The following CCDC170 variants were observed in gnomAD, a reference collection of about 807,000 sequenced individuals.
The protein encoded by CCDC170 is coiled-coil domain containing 170, also known as coiled-coil domain-containing protein 170.
Under a neutral mutation model 72.6 loss-of-function variants are expected in CCDC170, and 69 were observed. That is an observed-to-expected ratio of 0.95 (90% CI 0.78 to 1.16). The LOEUF is 1.16. Among genes scored for constraint, CCDC170 ranks in the 50% most tolerant of loss-of-function variants. The pLI is 0.00. For synonymous variants in CCDC170, 300 were observed against 303.9 expected (o/e 0.99, Z 0.13); for missense variants, 852 against 832.5 (o/e 1.02, Z -0.29).
At chr6:151,596,298 A>G in intron 8 of CCDC170, 37 bp from the exon 9 acceptor site, 1 of 1,558,086 alleles carries the variant, frequency 6.4e-7, no homozygotes, top group Non-Finnish European at 8.6e-7. Context: ...CTATTGTTCA[A>G]TTATTAAAAA....
Position 151,619,600 on chromosome 6 carries a change from G to A in CCDC170, c.*1453G>A, listed in dbSNP as rs1463436421. Reference sequence around the variant, plus strand: ...ATGAAAAATATACAACCAACCGTTCGTGAGTCATCAAAAAGTCAAAGTCAG... The same window carrying A: ...ATGAAAAATATACAACCAACCGTTCATGAGTCATCAAAAAGTCAAAGTCAG... On this transcript the variant is annotated 3_prime_UTR_variant, in exon 11 of 11. Transcript: ENST00000239374. The A allele has an allele frequency of 2.0e-5, 3 of 152,068 alleles. No homozygotes were observed. Among genetic ancestry groups the A allele is most frequent in the Admixed American group, 6.6e-5 (1 of 15,256 alleles). 9.4% of individuals were successfully genotyped at this position (152,068 alleles called of 1,614,324 possible).
chr6:151,559,681 G>A (rs1783044991), intron 5 of CCDC170, among the ~76,000 whole-genome samples: 1 of 152,020 alleles, frequency 6.6e-6, no homozygotes, highest in Non-Finnish European at 1.5e-5. Flanking sequence ...TTCCAATTTG[G>A]ATGTCATTTA....
chr6:151,527,714 A>T (rs1240254405), intron 1 of CCDC170, among the ~76,000 whole-genome samples: 1 of 151,976 alleles, frequency 6.6e-6, no homozygotes, highest in African/African-American at 2.4e-5. Context: ...AGAGAGGGAG[A>T]GGTAGAGAAG....
intron 7 of CCDC170, 133 bp downstream of exon 7, chr6:151,586,222 A>T: frequency 1.2e-6 from 1 of 856,258 alleles, no homozygotes. Flanking sequence ...AATTTCAAGG[A>T]ACAATGGGTT....
At chr6:151,522,586 G>T (rs1406033453) in intron 1 of CCDC170, among the ~76,000 whole-genome samples, 4 of 152,064 alleles carry the variant, frequency 2.6e-5, no homozygotes, top group Non-Finnish European at 5.9e-5. Context: ...TCTAACCCTA[G>T]CCAATAGGAG....
At chr6:151,610,871 A>T (rs1776859269) in intron 9 of CCDC170, among the ~76,000 whole-genome samples, 1 of 152,188 alleles carries the variant, frequency 6.6e-6, no homozygotes, top group African/African-American at 2.4e-5. Flanking sequence ...AAGCTGCAGC[A>T]GTTGTTCTTA....
In CCDC170 at chr6:151,618,307, G is replaced by T; in HGVS notation, c.*160G>T. 1 of 626,298 alleles carries T rather than the reference G, an allele frequency of 1.6e-6. No homozygotes were observed. Among genetic ancestry groups the T allele is most frequent in the South Asian group, 2.3e-5 (1 of 44,212 alleles). 38.8% of individuals were successfully genotyped at this position (626,298 alleles called of 1,614,324 possible). ...TGCAAAAACGATCTCAAAAGTGTCA[G>T]CCTTAGATAAACGTTCAGCATTAAA... On this transcript the variant is annotated 3_prime_UTR_variant, in exon 11 of 11. Transcript: ENST00000239374.
chr6:151,617,558 A>G (rs1375975693), intron 10 of CCDC170, among the ~76,000 whole-genome samples: 1 of 151,858 alleles, frequency 6.6e-6, no homozygotes, highest in African/African-American at 2.4e-5. Flanking sequence ...CAGAGCACAC[A>G]CACAGTCACC....
chr6:151,533,715 C>T (rs1782530109), intron 1 of CCDC170, among the ~76,000 whole-genome samples: 1 of 151,756 alleles, frequency 6.6e-6, no homozygotes, highest in Non-Finnish European at 1.5e-5. Context: ...TCTTTCCTTC[C>T]ACCTCCTTCA....
chr6:151,526,023 G>A (rs925704607), intron 1 of CCDC170, among the ~76,000 whole-genome samples: 1 of 151,852 alleles, frequency 6.6e-6, no homozygotes, highest in African/African-American at 2.4e-5. Flanking sequence ...GTTTTTATTT[G>A]TTATACAGCA....
chr6:151,553,441 T>C (rs76555799), intron 5 of CCDC170, among the ~76,000 whole-genome samples: 1,947 of 152,252 alleles, frequency 0.013, 30 homozygotes, highest in African/African-American at 0.044. Context: ...TTTAATTCAA[T>C]TATAACTAGT....
rs567306890 is a variant in CCDC170 at position 151,608,370 on chromosome 6, T to A, written c.1711-7073T>A. On this transcript the variant is annotated intron_variant, in intron 9 of 10. Coordinates refer to ENST00000239374, the MANE Select transcript of CCDC170 (RefSeq NM_025059.4). ...TATTGTGTTCCTGTGGAGGTGTACT[T>A]GCTTTTTTCATGTGTCTTGTGTCCC... 3.3e-5 allele frequency among the ~76,000 whole-genome samples: 5 copies of A among 152,364 alleles called. No homozygotes were observed. The East Asian group carries it at 9.6e-4, about 29-fold the overall frequency.
intron 5 of CCDC170, among the ~76,000 whole-genome samples, chr6:151,572,695 G>T (rs1240745523): frequency 3.8e-5 from 3 of 79,206 alleles, no homozygotes; most frequent in African/African-American, 1.1e-4. Context: ...TGTTGCCCAG[G>T]CTGGAGTACA....
At chr6:151,604,663 G>A (rs1183610794) in intron 9 of CCDC170, among the ~76,000 whole-genome samples, 1 of 152,088 alleles carries the variant, frequency 6.6e-6, no homozygotes, top group African/African-American at 2.4e-5. Context: ...GTGCTCTTAC[G>A]GTAGGGAAGG....
chr6:151,581,257 G>A (rs998034450), intron 6 of CCDC170, among the ~76,000 whole-genome samples: 6 of 152,138 alleles, frequency 3.9e-5, no homozygotes, highest in Admixed American at 2.6e-4. Context: ...TTTCTAAATT[G>A]AGGTCAATCC....
intron 5 of CCDC170, among the ~76,000 whole-genome samples, chr6:151,557,615 C>G (rs1236981801): frequency 3.3e-5 from 5 of 152,132 alleles, no homozygotes; most frequent in Non-Finnish European, 7.3e-5. Flanking sequence ...AATCTCCATA[C>G]TGTGTTCCAT....
intron 1 of CCDC170, among the ~76,000 whole-genome samples, chr6:151,524,985 T>G (rs979902698): frequency 7.2e-6 from 1 of 139,330 alleles, no homozygotes; most frequent in African/African-American, 2.8e-5. Flanking sequence ...CAGGCTGGAG[T>G]GCAGTGGTGC....
intron 5 of CCDC170, among the ~76,000 whole-genome samples, chr6:151,571,222 G>A (rs1366808099): frequency 6.6e-6 from 1 of 152,126 alleles, no homozygotes; most frequent in Non-Finnish European, 1.5e-5. Context: ...TTAACTGGCA[G>A]CCTGAAATGT....
At chr6:151,536,507 C>G in intron 2 of CCDC170, 61 bp downstream of exon 2, 3 of 1,579,418 alleles carry the variant, frequency 1.9e-6, no homozygotes, top group South Asian at 1.1e-5. Flanking sequence ...TAAAATGAAA[C>G]AGATCACGCC....
Sources: allele counts gnomAD v4.1 joint callset (sites outside exome capture counted in the v4.1 genomes callset), GRCh38; gene constraint gnomAD v4.1.1; transcripts MANE v1.5; gene names NCBI Gene and HGNC (gene_info 2026-07-23, HGNC 2026-07-21).